EHBP1: variants seen among roughly 807,000 people sequenced by gnomAD.
EHBP1 encodes the protein EH domain-binding protein 1.
A neutral mutation model predicts 144.0 loss-of-function variants in EHBP1; 55 were observed. The observed-to-expected ratio is 0.38, with a 90% confidence interval of 0.31 to 0.48. EHBP1 has a LOEUF of 0.48. EHBP1 is among the 20% of genes least tolerant of loss of function. The probability of loss-of-function intolerance (pLI) is 0.98; values close to 1 mark genes in which losing one functional copy is unlikely to be tolerated. For missense variants in EHBP1, 1,200 were observed against 1,364.2 expected (o/e 0.88, Z 1.90); for synonymous variants, 469 against 472.7 (o/e 0.99, Z 0.10).
chr2:62,828,501 A>G (rs769529089), intron 6 of EHBP1, among the ~76,000 whole-genome samples: 4 of 152,250 alleles, frequency 2.6e-5, no homozygotes, highest in Admixed American at 2.0e-4. Flanking sequence ...AGTTTTTTTT[A>G]TCTTGTAGCT....
intron 4 of EHBP1, among the ~76,000 whole-genome samples, chr2:62,767,833 CAAAAAAAAAA>C: frequency 1.3e-5 from 1 of 76,390 alleles, no homozygotes; most frequent in African/African-American, 6.2e-5. Flanking sequence ...AAGACTCTGT[CAAAAAAAAAA>C]AAAAAAAAAA....
intron 10 of EHBP1, among the ~76,000 whole-genome samples, chr2:62,922,326 C>T (rs1003686208): frequency 1.4e-4 from 22 of 152,066 alleles, no homozygotes; most frequent in African/African-American, 5.3e-4. Context: ...TATTAGTGGA[C>T]CCACACAGCT....
At chr2:62,856,774 G>A (rs1414375696) in intron 7 of EHBP1, among the ~76,000 whole-genome samples, 1 of 152,244 alleles carries the variant, frequency 6.6e-6, no homozygotes, top group African/African-American at 2.4e-5. Context: ...GAATGGTGCT[G>A]ATAGACTTGC....
chr2:63,007,467 T>C (rs1435396894), intron 19 of EHBP1, among the ~76,000 whole-genome samples: 1 of 151,800 alleles, frequency 6.6e-6, no homozygotes, highest in East Asian at 1.9e-4. Context: ...GTGTATAAAA[T>C]ATTTGCCACA....
chr2:62,963,461 T>C (rs970517396), intron 14 of EHBP1, among the ~76,000 whole-genome samples: 11 of 152,328 alleles, frequency 7.2e-5, no homozygotes, highest in Admixed American at 5.9e-4. Context: ...TTTCCGTAGT[T>C]TTCATATATA....
At chr2:62,787,667 A>G (rs2042909001) in intron 5 of EHBP1, among the ~76,000 whole-genome samples, 1 of 152,204 alleles carries the variant, frequency 6.6e-6, no homozygotes, top group African/African-American at 2.4e-5. Context: ...AGCAAGGCTA[A>G]GCTTTCCTGA....
chr2:62,967,875 CT>C lies in EHBP1; in HGVS notation c.2461-11303del, dbSNP rs796766084. Among the ~76,000 whole-genome samples the C allele has an allele frequency of 2.1e-3, 318 of 149,170 alleles. 3 individuals are homozygous for C. Among genetic ancestry groups the C allele is most frequent in the African/African-American group, 6.8e-3 (277 of 40,762 alleles). On this transcript the variant is annotated intron_variant, in intron 14 of 22. Transcript: ENST00000431489. The stretch of plus-strand genomic sequence containing the variant: ...AAATCTTTGTTTTATAATATTACTT[CT>C]TTTTTTTTTCATCTCAAATGTCAAG...
chr2:62,863,737 A>G (rs973234311), intron 8 of EHBP1, among the ~76,000 whole-genome samples: 1 of 151,324 alleles, frequency 6.6e-6, no homozygotes, highest in African/African-American at 2.4e-5. Flanking sequence ...CAGATCCCTG[A>G]GTGGTCTGTG....
chr2:62,986,935 A>G (rs2059219690), intron 15 of EHBP1, among the ~76,000 whole-genome samples: 1 of 152,164 alleles, frequency 6.6e-6, no homozygotes, highest in Non-Finnish European at 1.5e-5. Context: ...AGAATTATCA[A>G]TTGGAAAAAA....
intron 10 of EHBP1, among the ~76,000 whole-genome samples, chr2:62,893,570 C>G (rs977387478): frequency 6.6e-6 from 1 of 151,982 alleles, no homozygotes; most frequent in Admixed American, 6.6e-5. Flanking sequence ...GAAATATATT[C>G]CTAAGAAATG....
In EHBP1 at chr2:62,717,286, A is replaced by G. The variant is rs866602324; in HGVS notation, c.104+9991A>G. 3.9e-5 allele frequency among the ~76,000 whole-genome samples: 6 copies of G among 152,326 alleles called. 1 individual carries two copies. The highest frequency in any genetic ancestry group is 6.8e-3 in the Middle Eastern group (2 of 294). On this transcript the variant is annotated intron_variant, in intron 2 of 22. Transcript: ENST00000431489. ...AATGAGTTTTGCAATTAAAATGCCC[A>G]GGGAACTTAAAATTAGGCATTTCTA...
intron 7 of EHBP1, among the ~76,000 whole-genome samples, chr2:62,835,482 G>C (rs2047141434): frequency 1.3e-5 from 2 of 152,192 alleles, no homozygotes; most frequent in Non-Finnish European, 2.9e-5. Flanking sequence ...ATAAAGCGGG[G>C]GAGGAGCCAA....
At chr2:62,955,769 T>C in intron 14 of EHBP1, 109 bp downstream of exon 14, 1 of 1,166,218 alleles carries the variant, frequency 8.6e-7, no homozygotes, top group Non-Finnish European at 1.2e-6. Context: ...GGACTGTACA[T>C]TGTGAATACT....
intron 19 of EHBP1, among the ~76,000 whole-genome samples, chr2:63,021,829 C>T (rs537256757): frequency 6.6e-6 from 1 of 151,840 alleles, no homozygotes; most frequent in South Asian, 2.1e-4. Context: ...TGTAGTGGCT[C>T]GATATCTGCT....
In EHBP1 at chr2:62,830,896, A is replaced by G. The variant is rs2046780841; in HGVS notation, c.495-123A>G. On this transcript the variant is annotated intron_variant, in intron 6 of 22. Coordinates refer to ENST00000431489, the MANE Select transcript of EHBP1 (RefSeq NM_001142616.3). ...TTAGATTTTTCAATATTCTTGTGCA[A>G]CTGATAAGAAAGACTTATTGACATA... The G allele has an allele frequency of 3.2e-6, 3 of 945,612 alleles. No individual in the cohort carries two copies. In the South Asian group the frequency reaches 5.4e-5, roughly 17 times the overall value. The allele number at this position is 945,612 out of a possible 1,614,324, so 58.6% of individuals were successfully genotyped here.
chr2:63,021,811 G>A (rs1217947230), intron 19 of EHBP1, among the ~76,000 whole-genome samples: 1 of 151,908 alleles, frequency 6.6e-6, no homozygotes, highest in African/African-American at 2.4e-5. Context: ...CTGTCGCCCG[G>A]GCTAGAGTGT....
chr2:62,886,503 A>G (rs147585689), intron 10 of EHBP1, among the ~76,000 whole-genome samples: 2 of 149,398 alleles, frequency 1.3e-5, no homozygotes, highest in South Asian at 4.2e-4. Context: ...TAGCTGTTCT[A>G]TTGGTTAGTA....
At chr2:62,809,309 A>C (rs565831475) in intron 5 of EHBP1, among the ~76,000 whole-genome samples, 8 of 150,962 alleles carry the variant, frequency 5.3e-5, no homozygotes, top group South Asian at 2.1e-4. Flanking sequence ...AAAAAAAAAA[A>C]AAAAAACAAG....
upstream of EHBP1, among the ~76,000 whole-genome samples, chr2:62,700,815 T>G (rs1295584870): frequency 6.6e-6 from 1 of 152,234 alleles, no homozygotes; most frequent in East Asian, 1.9e-4. Flanking sequence ...TGGACAGCCA[T>G]GTAGATATTC....
Sources: allele counts gnomAD v4.1 joint callset (sites outside exome capture counted in the v4.1 genomes callset), GRCh38; gene constraint gnomAD v4.1.1; transcripts MANE v1.5; gene names NCBI Gene and HGNC (gene_info 2026-07-23, HGNC 2026-07-21).